ARID3B: variants seen among roughly 807,000 people sequenced by gnomAD.
ARID3B encodes AT-rich interaction domain 3B.
A neutral mutation model predicts 51.9 loss-of-function variants in ARID3B; 10 were observed. That is an observed-to-expected ratio of 0.19 (90% confidence interval 0.12 to 0.33). ARID3B has a LOEUF of 0.33. ARID3B is among the 10% of genes least tolerant of loss of function. ARID3B has a pLI of 1.00. For missense variants in ARID3B, 483 were observed against 716.3 expected (o/e 0.67, Z 3.72); for synonymous variants, 205 against 279.5 (o/e 0.73, Z 2.66).
rs1174490891 is a variant in ARID3B, at chr15:74,544,153, C to G, written c.217C>G (p.Pro73Ala). 5.0e-6 allele frequency: 8 copies of G among 1,613,780 alleles called. No individual in the cohort carries two copies. In the African/African-American group the frequency reaches 5.3e-5, roughly 11 times the overall value. Residue 73 changes from proline (P) to alanine (A), a missense_variant, in exon 2 of 9, where the codon CCA (proline) becomes GCA (alanine). By Grantham distance (27) the Pro-to-Ala change is conservative (BLOSUM62 -1). Transcript: ENST00000346246. Reference sequence around the variant, plus strand: ...TCCCTTAGGTCCCTTAGCCAGAGTTCCACCCACCGCAGCAGTGGCCCAAGT... The same window carrying G: ...TCCCTTAGGTCCCTTAGCCAGAGTTGCACCCACCGCAGCAGTGGCCCAAGT... Reference protein sequence around the residue: ...STPLGPLARVPPTAAVAQVFE... With the variant: ...STPLGPLARVAPTAAVAQVFE...
chr15:74,583,206 A>T (rs1300697617), intron 4 of ARID3B, among the ~76,000 whole-genome samples: 1 of 152,134 alleles, frequency 6.6e-6, no homozygotes, highest in East Asian at 1.9e-4. Flanking sequence ...CCTAAAAAAA[A>T]AAAGTTGTGA....
At chr15:74,594,961 C>T (rs1371092206) in intron 8 of ARID3B, among the ~76,000 whole-genome samples, 3 of 152,172 alleles carry the variant, frequency 2.0e-5, no homozygotes, top group African/African-American at 4.8e-5. Flanking sequence ...ATCCTTTTGT[C>T]CTCTGTCAAG....
At chr15:74,562,501 GTTT>G (rs903244084) in intron 2 of ARID3B, among the ~76,000 whole-genome samples, 3 of 152,054 alleles carry the variant, frequency 2.0e-5, no homozygotes, top group African/African-American at 7.2e-5. Context: ...GTATTTTTCT[GTTT>G]TCTGAGACAG....
intron 2 of ARID3B, among the ~76,000 whole-genome samples, chr15:74,549,318 G>A (rs1292040822): frequency 3.3e-5 from 5 of 152,058 alleles, no homozygotes; most frequent in South Asian, 4.2e-4. Flanking sequence ...CTCGTGATCC[G>A]TCCGCCTCGG....
At chr15:74,551,485 A>T (rs545141410) in intron 2 of ARID3B, among the ~76,000 whole-genome samples, 1 of 152,296 alleles carries the variant, frequency 6.6e-6, no homozygotes, top group Non-Finnish European at 1.5e-5. Flanking sequence ...CTCTCACCAG[A>T]GGCTAATTTC....
intron 4 of ARID3B, chr15:74,573,669 T>C: frequency 5.8e-6 from 1 of 172,954 alleles, no homozygotes; most frequent in South Asian, 1.3e-4. Context: ...TTCTTACCCA[T>C]TGGCTTTCGA....
rs185172299 is a variant in ARID3B at position 74,596,311 on chromosome 15, G to A, written c.*537G>A. ...CCACTTTGCCTACTGTTAGGTTCCT[G>A]GGGTACGGGTCCCTCAAACACAAGT... On this transcript the variant is annotated 3_prime_UTR_variant, in exon 9 of 9. Transcript: ENST00000346246. The A allele has an allele frequency of 4.3e-3, 1,004 of 234,006 alleles. 4 individuals carry two copies. Among genetic ancestry groups the A allele is most frequent in the Middle Eastern group, 0.011 (9 of 788 alleles). 14.5% of individuals were successfully genotyped at this position (234,006 alleles called of 1,614,324 possible).
chr15:74,585,321 ACAGCCCAGAGAG>A (rs1414212767), intron 4 of ARID3B, among the ~76,000 whole-genome samples: 1 of 152,212 alleles, frequency 6.6e-6, no homozygotes, highest in Non-Finnish European at 1.5e-5. Context: ...AAGATAGAAT[ACAGCCCAGAGAG>A]CAGGCCAGAG....
intron 4 of ARID3B, among the ~76,000 whole-genome samples, chr15:74,588,262 G>A (rs1291145368): frequency 6.6e-6 from 1 of 151,684 alleles, no homozygotes; most frequent in African/African-American, 2.4e-5. Context: ...AAGAAGAAGA[G>A]GCCTGGTCCT....
intron 2 of ARID3B, among the ~76,000 whole-genome samples, chr15:74,559,884 A>G (rs2061672604): frequency 6.6e-6 from 1 of 151,894 alleles, no homozygotes; most frequent in Admixed American, 6.6e-5. Context: ...AATGCCTACT[A>G]TAGATACAGT....
intron 4 of ARID3B, among the ~76,000 whole-genome samples, chr15:74,588,852 G>A (rs1232569577): frequency 2.0e-5 from 3 of 151,768 alleles, no homozygotes; most frequent in Non-Finnish European, 4.4e-5. Context: ...CAGAGGCCAG[G>A]GAGTGGGTGG....
At chr15:74,557,817 CTTTTTTTT>C (rs11307414) in intron 2 of ARID3B, among the ~76,000 whole-genome samples, 19 of 109,778 alleles carry the variant, frequency 1.7e-4, no homozygotes, top group Non-Finnish European at 2.6e-4. Context: ...TTTCGACTTA[CTTTTTTTT>C]TTTTTTTTTT....
chr15:74,573,040 A>G, intron 3 of ARID3B, 92 bp from the exon 4 acceptor site: 1 of 1,585,712 alleles, frequency 6.3e-7, no homozygotes, highest in Non-Finnish European at 8.7e-7. Context: ...TTGCATTTGT[A>G]GTGATTCAGA....
At chr15:74,567,516 A>G (rs1213885696) in intron 2 of ARID3B, among the ~76,000 whole-genome samples, 4 of 151,922 alleles carry the variant, frequency 2.6e-5, no homozygotes, top group Non-Finnish European at 5.9e-5. Flanking sequence ...TCTGTGTTGA[A>G]TAAACTTGTC....
At chr15:74,572,227 T>C (rs59665282) in intron 2 of ARID3B, among the ~76,000 whole-genome samples, 26,752 of 152,228 alleles carry the variant, frequency 0.18, 3,431 homozygotes, top group East Asian at 0.42. Context: ...ATCAATTAAG[T>C]TGGGCTTAGA....
intron 4 of ARID3B, among the ~76,000 whole-genome samples, chr15:74,579,474 A>G (rs79811537): frequency 0.18 from 27,461 of 152,038 alleles, 3,589 homozygotes; most frequent in East Asian, 0.42. Context: ...TTCCTTATCT[A>G]TTGAATGAGA....
rs1240567023 is a variant in ARID3B, at chr15:74,544,189, G to C, written c.253G>C (p.Gly85Arg). 1.9e-6 allele frequency: 3 copies of C among 1,613,996 alleles called. No individual in the cohort carries two copies. The highest frequency in any genetic ancestry group is 2.5e-6 in the Non-Finnish European group (3 of 1,179,868). The change falls in exon 2 of 9, where the codon GGC (glycine) becomes CGC (arginine). Residue 85 changes from glycine (G) to arginine (R), a missense_variant. Physicochemically the swap from Gly to Arg is moderately radical, Grantham distance 125 (BLOSUM62 -2). Coordinates refer to ENST00000346246, the MANE Select transcript of ARID3B (RefSeq NM_006465.4). ...TAAVAQVFER[G>R]NMNSEPEEED... Reference sequence around the variant, plus strand: ...AGCAGTGGCCCAAGTGTTTGAACGGGGCAACATGAACTCAGAGCCTGAGGA... The same window carrying C: ...AGCAGTGGCCCAAGTGTTTGAACGGCGCAACATGAACTCAGAGCCTGAGGA...
intron 2 of ARID3B, among the ~76,000 whole-genome samples, chr15:74,546,329 G>T (rs973036418): frequency 1.1e-4 from 16 of 152,214 alleles, no homozygotes; most frequent in Admixed American, 2.0e-4. Flanking sequence ...CCCTGACAGC[G>T]CTGGGAAAGT....
chr15:74,578,491 G>A (rs553453442), intron 4 of ARID3B, among the ~76,000 whole-genome samples: 1 of 152,260 alleles, frequency 6.6e-6, no homozygotes, highest in Admixed American at 6.5e-5. Context: ...GTTCTTAACA[G>A]AATGGTGAGA....
Sources: gnomAD v4.1 joint callset for allele counts (sites outside exome capture counted in the v4.1 genomes callset) on GRCh38, gnomAD v4.1.1 for gene constraint, MANE v1.5 for transcripts, NCBI Gene and HGNC (gene_info 2026-07-23, HGNC 2026-07-21) for gene names.